Variants in ZDHHC14 observed in about 807,000 individuals in gnomAD.
The protein encoded by ZDHHC14 is palmitoyltransferase ZDHHC14.
A neutral mutation model predicts 47.7 loss-of-function variants in ZDHHC14; 16 were observed. The observed-to-expected ratio is 0.34, with a 90% CI of 0.23 to 0.51. ZDHHC14 has a LOEUF of 0.51. ZDHHC14 is among the 20% of genes least tolerant of loss of function. The probability of loss-of-function intolerance (pLI) is 0.97; values close to 1 mark genes in which losing one functional copy is unlikely to be tolerated. For synonymous variants in ZDHHC14, 293 were observed against 278.9 expected, an observed-to-expected ratio of 1.05 and a Z score of -0.50; for missense variants, 515 against 662.5, an observed-to-expected ratio of 0.78 and a Z score of 2.44.
At chr6:157,578,843 C>T (rs747171268) in intron 2 of ZDHHC14, among the ~76,000 whole-genome samples, 9 of 152,186 alleles carry the variant, frequency 5.9e-5, no homozygotes, top group Non-Finnish European at 1.2e-4. Context: ...TCATGTGGAA[C>T]TGTGAGTCAA....
intron 1 of ZDHHC14, among the ~76,000 whole-genome samples, chr6:157,519,741 A>G (rs1780848209): frequency 6.6e-6 from 1 of 152,172 alleles, no homozygotes; most frequent in Non-Finnish European, 1.5e-5. Context: ...GAAAGGATTC[A>G]TCGTTTTTTT....
intron 1 of ZDHHC14, among the ~76,000 whole-genome samples, chr6:157,432,103 C>T (rs901924334): frequency 6.6e-6 from 1 of 152,120 alleles, no homozygotes; most frequent in Non-Finnish European, 1.5e-5. Context: ...CAGTAACAAT[C>T]TACTGAAGGA....
intron 2 of ZDHHC14, among the ~76,000 whole-genome samples, chr6:157,545,592 G>T (rs1411791402): frequency 1.3e-5 from 2 of 151,928 alleles, no homozygotes; most frequent in Non-Finnish European, 2.9e-5. Flanking sequence ...GCAGGAGAAT[G>T]GCATGAACCC....
chr6:157,665,538 C>T lies in ZDHHC14; in HGVS notation c.1069-7186C>T, dbSNP rs369228511. ...GCCATCTTATTTTAGGACCAGTATC[C>T]GGATAAGAAAGGTATTTCTTGAATG... is the stretch of plus-strand genomic sequence containing the variant. On this transcript the variant is annotated intron_variant, in intron 8 of 8. Transcript: ENST00000359775. Among the ~76,000 whole-genome samples the T allele has an allele frequency of 3.9e-5, 6 of 152,144 alleles. No homozygotes were observed. In the East Asian group the frequency reaches 5.8e-4, roughly 15 times the overall value.
chr6:157,468,421 A>G (rs1779274029), intron 1 of ZDHHC14, among the ~76,000 whole-genome samples: 1 of 152,204 alleles, frequency 6.6e-6, no homozygotes, highest in Admixed American at 6.5e-5. Flanking sequence ...CTTACACAGC[A>G]CAAGCCTTCC....
intron 1 of ZDHHC14, among the ~76,000 whole-genome samples, chr6:157,403,086 TA>T (rs11287189): frequency 0.82 from 124,622 of 152,112 alleles, 51,334 homozygotes; most frequent in Middle Eastern, 0.93. Context: ...CATTGTACAA[TA>T]AAAAAATTAT....
At chr6:157,405,609 G>A (rs1166209081) in intron 1 of ZDHHC14, among the ~76,000 whole-genome samples, 4 of 152,018 alleles carry the variant, frequency 2.6e-5, no homozygotes, top group African/African-American at 7.3e-5. Flanking sequence ...CCTCTCCAAG[G>A]GTTGATATTA....
chr6:157,385,881 A>G (rs748422402), intron 1 of ZDHHC14, among the ~76,000 whole-genome samples: 1 of 152,204 alleles, frequency 6.6e-6, no homozygotes, highest in Non-Finnish European at 1.5e-5. Context: ...ACCCTGGGCA[A>G]ATGATTGGTC....
At chr6:157,498,179 G>A (rs944804293) in intron 1 of ZDHHC14, among the ~76,000 whole-genome samples, 14 of 152,074 alleles carry the variant, frequency 9.2e-5, no homozygotes, top group Non-Finnish European at 2.1e-4. Flanking sequence ...GCTCATGCCT[G>A]TAATTCCAGC....
chr6:157,528,151 C>T (rs565257752), intron 1 of ZDHHC14, among the ~76,000 whole-genome samples: 127 of 152,256 alleles, frequency 8.3e-4, no homozygotes, highest in African/African-American at 2.8e-3. Flanking sequence ...GTTGTTTCCA[C>T]CATTTTTCCC....
chr6:157,489,695 C>T (rs902475035), intron 1 of ZDHHC14, among the ~76,000 whole-genome samples: 1 of 152,206 alleles, frequency 6.6e-6, no homozygotes, highest in Non-Finnish European at 1.5e-5. Context: ...ATAAGAACCG[C>T]AATGCGTGGC....
chr6:157,422,452 C>T (rs975781103), intron 1 of ZDHHC14, among the ~76,000 whole-genome samples: 3 of 152,142 alleles, frequency 2.0e-5, no homozygotes, highest in Non-Finnish European at 2.9e-5. Context: ...AGAAGGGACC[C>T]GTTCGCTATT....
At chr6:157,644,702 A>G (rs535328823) in intron 5 of ZDHHC14, among the ~76,000 whole-genome samples, 15 of 152,336 alleles carry the variant, frequency 9.8e-5, no homozygotes, top group African/African-American at 3.1e-4. Context: ...CATGATGTAT[A>G]TGGCATTCAT....
chr6:157,444,795 C>G (rs151223838), intron 1 of ZDHHC14, among the ~76,000 whole-genome samples: 2,295 of 152,206 alleles, frequency 0.015, 31 homozygotes, highest in Non-Finnish European at 0.023. Context: ...CATTCACATT[C>G]CCCACTGAGG....
intron 8 of ZDHHC14, among the ~76,000 whole-genome samples, chr6:157,661,592 G>A (rs1415436089): frequency 6.6e-6 from 1 of 152,206 alleles, no homozygotes; most frequent in African/African-American, 2.4e-5. Flanking sequence ...GAGTGGCAGA[G>A]AACAGCTGTG....
chr6:157,647,858 A>G (rs1327067520), intron 7 of ZDHHC14, among the ~76,000 whole-genome samples: 1 of 152,240 alleles, frequency 6.6e-6, no homozygotes, highest in African/African-American at 2.4e-5. Flanking sequence ...GACACGAACC[A>G]TGGCAGTAGC....
chr6:157,625,590 G>T (rs1010671481), intron 3 of ZDHHC14, among the ~76,000 whole-genome samples: 2 of 152,154 alleles, frequency 1.3e-5, no homozygotes, highest in African/African-American at 4.8e-5. Flanking sequence ...GAGGTGGGGA[G>T]AGCACGCAGG....
intron 8 of ZDHHC14, among the ~76,000 whole-genome samples, chr6:157,667,899 C>T (rs1778623698): frequency 6.6e-6 from 1 of 152,154 alleles, no homozygotes; most frequent in African/African-American, 2.4e-5. Context: ...TTGTAAATTC[C>T]AGTCAGTAGA....
intron 8 of ZDHHC14, among the ~76,000 whole-genome samples, chr6:157,670,140 C>T (rs1276601028): frequency 6.6e-6 from 1 of 152,222 alleles, no homozygotes; most frequent in African/African-American, 2.4e-5. Context: ...CGGAAGGGAC[C>T]TGCACCCTGA....
Sources: allele counts gnomAD v4.1 joint callset (sites outside exome capture counted in the v4.1 genomes callset), GRCh38; gene constraint gnomAD v4.1.1; transcripts MANE v1.5; gene names NCBI Gene and HGNC (gene_info 2026-07-23, HGNC 2026-07-21).